The following KCNJ8 variants were observed in gnomAD, a reference collection of about 807,000 sequenced individuals.
The protein encoded by KCNJ8 is ATP-sensitive inward rectifier potassium channel 8.
Under a neutral mutation model 28.2 loss-of-function variants are expected in KCNJ8, and 13 were observed. That is an observed-to-expected ratio of 0.46 (90% CI 0.30 to 0.73). KCNJ8 has a LOEUF of 0.73. Among genes scored for constraint, KCNJ8 ranks in the 30% least tolerant of loss-of-function variants. KCNJ8 has a pLI of 0.07. For synonymous variants in KCNJ8, 188 were observed against 195.9 expected, an observed-to-expected ratio of 0.96 and a Z score of 0.34; for missense variants, 284 against 542.6, an observed-to-expected ratio of 0.52 and a Z score of 4.73.
rs569478705 is a variant in KCNJ8 at position 21,773,274 on chromosome 12, A to G, written c.343T>C (p.Leu115=). ...TTAGTCACACACACAGTGGACTCCA[A>G]ACCACTTTTCTCCATTCCACTTTTC... ...MEKSGMEKSG[L]ESTVCVTNVR... Residue 115 remains leucine, a synonymous_variant, in exon 2 of 3, where the codon TTG becomes CTG. Transcript: ENST00000240662. This position sits in a 1 kb window ranked among gnomAD's most constrained non-coding sequence, Gnocchi z 4.6. 6.2e-7 allele frequency: 1 copy of G among 1,613,896 alleles called. No homozygotes were observed. The highest frequency in any genetic ancestry group is 1.1e-5 in the South Asian group (1 of 91,084).
rs114704386 is a variant in KCNJ8, at chr12:21,773,656, C to T, written c.-40G>A. 1.6e-3 allele frequency: 2,616 copies of T among 1,606,972 alleles called. 39 individuals are homozygous for T. In the African/African-American group the frequency reaches 0.03, roughly 19 times the overall value. On this transcript the variant is annotated 5_prime_UTR_variant, in exon 2 of 3. In the 5' UTR this introduces an upstream ATG that the reference lacks. Transcript: ENST00000240662. The surrounding 1 kb of genome is among the most constrained non-coding windows in gnomAD (Gnocchi z 4.6). ...AGCCAGCTTAGCCACCTCCCTCTCA[C>T]CTGCCTCTCCGTCCCTGGACACCCG...
chr12:21,766,013 T>C lies in KCNJ8; in HGVS notation c.985A>G (p.Thr329Ala), dbSNP rs775816433. 1.9e-6 allele frequency: 3 copies of C among 1,614,160 alleles called. No individual in the cohort carries two copies. The highest frequency in any genetic ancestry group is 2.5e-6 in the Non-Finnish European group (3 of 1,180,032). The part of the protein sequence containing the change: ...QWGHRFVSIV[T>A]EEEGVYSVDY... Reference sequence around the variant, plus strand: ...ACAGAATACACTCCTTCTTCCTCAGTCACAATGGACACAAAGCGGTGGCCC... The same window carrying C: ...ACAGAATACACTCCTTCTTCCTCAGCCACAATGGACACAAAGCGGTGGCCC... The change falls in exon 3 of 3, where the codon ACT (threonine) becomes GCT (alanine). Residue 329 changes from threonine to alanine, a missense_variant. Transcript: ENST00000240662. The surrounding 1 kb of genome is among the most constrained non-coding windows in gnomAD (Gnocchi z 6.5).
At position 21,765,803 on chromosome 12, in the gene KCNJ8, G is replaced by T; in HGVS notation, c.1195C>A (p.Arg399=). The part of the protein sequence containing the change: ...NNSMRRNNSI[R]RNNSSLMVPK... ...ACCATGAGGGAAGAATTGTTCCTTC[G>T]GATAGAATTGTTCCTCCTCATGGAA... is the stretch of plus-strand genomic sequence containing the variant. The change falls in exon 3 of 3, where the codon CGA becomes AGA. Residue 399 remains arginine (R), a synonymous_variant. Coordinates refer to ENST00000240662, the MANE Select transcript of KCNJ8 (RefSeq NM_004982.4). The T allele has an allele frequency of 6.2e-7, 1 of 1,613,876 alleles. No homozygotes were observed. The highest frequency in any genetic ancestry group is 8.5e-7 in the Non-Finnish European group (1 of 1,179,790).
chr12:21,774,429 TG>T (rs1352170553), intron 1 of KCNJ8, 116 bp downstream of exon 1: 1 of 149,978 alleles, frequency 6.7e-6, no homozygotes, highest in African/African-American at 2.5e-5. Flanking sequence ...GTAGGGAGTG[TG>T]CCCCGAAAAG....
chr12:21,766,691 G>A lies in KCNJ8; in HGVS notation c.375-68C>T. On this transcript the variant is annotated intron_variant, in intron 2 of 2. Coordinates refer to ENST00000240662, the MANE Select transcript of KCNJ8 (RefSeq NM_004982.4). This position sits in a 1 kb window ranked among gnomAD's most constrained non-coding sequence, Gnocchi z 6.5. ...TTTGAATAATGAAATATGCCAAGCT[G>A]AGCTTTTCATTTTCTTCCACCAAAG... 7.6e-7 allele frequency: 1 copy of A among 1,311,774 alleles called. No individual in the cohort carries two copies. The highest frequency in any genetic ancestry group is 1.1e-6 in the Non-Finnish European group (1 of 931,072). 81.3% of individuals were successfully genotyped at this position (1,311,774 alleles called of 1,614,324 possible). A position where few individuals can be genotyped will look rare whatever the true frequency, so the allele number is the denominator to read the frequency against.
chr12:21,766,146 G>A lies in KCNJ8; in HGVS notation c.852C>T (p.Asp284=), dbSNP rs777196966. The change falls in exon 3 of 3, where the codon GAC becomes GAT. Residue 284 remains aspartate, a synonymous_variant. Transcript: ENST00000240662. The surrounding 1 kb of genome is among the most constrained non-coding windows in gnomAD (Gnocchi z 6.5). ...TGACCTCCAAGTCTTGGTTGGCCAGGTCAGTTGCTGAGATGTCATACAGGG... is the reference window on the plus strand; with the variant it reads ...TGACCTCCAAGTCTTGGTTGGCCAGATCAGTTGCTGAGATGTCATACAGGG... ...RSPLYDISAT[D]LANQDLEVIV... 1 of 1,614,024 alleles carries A rather than the reference G, an allele frequency of 6.2e-7. No homozygotes were observed. Among genetic ancestry groups the A allele is most frequent in the Admixed American group, 1.7e-5 (1 of 59,998 alleles).
intron 2 of KCNJ8, among the ~76,000 whole-genome samples, chr12:21,770,864 TACC>T (rs1940741223): frequency 1.3e-5 from 2 of 152,234 alleles, no homozygotes; most frequent in South Asian, 4.1e-4. Context: ...CTCAAAGTAT[TACC>T]TATTTATTAA....
intron 2 of KCNJ8, among the ~76,000 whole-genome samples, chr12:21,771,515 A>G (rs1031515444): frequency 1.1e-4 from 17 of 152,204 alleles, no homozygotes; most frequent in Non-Finnish European, 2.2e-4. Context: ...AGTCACCCTA[A>G]GAGAAGAATG....
rs569876040 is a variant in KCNJ8 at position 21,769,712 on chromosome 12, TC to T, written c.375-3090del. ...GAGTTGGGAAGAAGTTCATTCTAATTCTCATGAATGAGTTTGAGGGGTTCAA... is the reference window on the plus strand; with the variant it reads ...GAGTTGGGAAGAAGTTCATTCTAATTTCATGAATGAGTTTGAGGGGTTCAA... On this transcript the variant is annotated intron_variant, in intron 2 of 2. Coordinates refer to ENST00000240662, the MANE Select transcript of KCNJ8 (RefSeq NM_004982.4). Among the ~76,000 whole-genome samples, 729 of 152,292 alleles carry T rather than the reference TC, an allele frequency of 4.8e-3. 3 individuals carry two copies. The highest frequency in any genetic ancestry group is 6.7e-3 in the Non-Finnish European group (454 of 68,018).
intron 2 of KCNJ8, among the ~76,000 whole-genome samples, chr12:21,770,013 A>G (rs954062029): frequency 6.6e-6 from 1 of 152,254 alleles, no homozygotes; most frequent in Non-Finnish European, 1.5e-5. Flanking sequence ...TGAGAAGATT[A>G]GCTCCAGTTT....
Position 21,773,618 on chromosome 12 carries a change from G to A in KCNJ8, c.-2C>T. ...GATGATACTCTTTCTGGCCAACATCGTCCTGTCACCATAGCCAGCTTAGCC... is the reference window on the plus strand; with the variant it reads ...GATGATACTCTTTCTGGCCAACATCATCCTGTCACCATAGCCAGCTTAGCC... On this transcript the variant is annotated 5_prime_UTR_variant, in exon 2 of 3. The change creates a new upstream start codon in the 5' untranslated region. Transcript: ENST00000240662. The surrounding 1 kb of genome is among the most constrained non-coding windows in gnomAD (Gnocchi z 4.6). 1 of 1,612,148 alleles carries A rather than the reference G, an allele frequency of 6.2e-7. No homozygotes were observed. The highest frequency in any genetic ancestry group is 8.5e-7 in the Non-Finnish European group (1 of 1,180,010).
At chr12:21,772,951 C>T (rs1037561759) in intron 2 of KCNJ8, among the ~76,000 whole-genome samples, 9 of 152,158 alleles carry the variant, frequency 5.9e-5, no homozygotes, top group African/African-American at 1.9e-4. Flanking sequence ...GAGTAAAGCA[C>T]TCTGTGTAAT....
At chr12:21,774,386 G>GA (rs542852442) in intron 1 of KCNJ8, among the ~76,000 whole-genome samples, 160 bp downstream of exon 1, 46 of 151,132 alleles carry the variant, frequency 3.0e-4, no homozygotes, top group African/African-American at 9.5e-4. Context: ...GTGCGGGGGG[G>GA]AAAAAACCCA....
rs1565662288 is a variant in KCNJ8, at chr12:21,773,630, T to C, written c.-14A>G. 2 of 1,610,598 alleles carry C rather than the reference T, an allele frequency of 1.2e-6. No individual in the cohort carries two copies. Among genetic ancestry groups the C allele is most frequent in the Non-Finnish European group, 1.7e-6 (2 of 1,180,004 alleles). On this transcript the variant is annotated 5_prime_UTR_variant, in exon 2 of 3. The change abolishes an upstream ATG in the 5' untranslated region. Transcript: ENST00000240662. The surrounding 1 kb of genome is among the most constrained non-coding windows in gnomAD (Gnocchi z 4.6). ...TCTGGCCAACATCGTCCTGTCACCA[T>C]AGCCAGCTTAGCCACCTCCCTCTCA...
chr12:21,766,266 G>A lies in KCNJ8; in HGVS notation c.732C>T (p.His244=), dbSNP rs1165913998. The A allele has an allele frequency of 6.2e-7, 1 of 1,614,128 alleles. No individual in the cohort carries two copies. ...GGTTATCAACAGGAATGTCCAGTTG[G>A]TGAATAGGAACCACCTCCCCTTCAG... ...TTPEGEVVPI[H]QLDIPVDNPI... Residue 244 remains histidine (H), a synonymous_variant, in exon 3 of 3, where the codon CAC becomes CAT. Coordinates refer to ENST00000240662, the MANE Select transcript of KCNJ8 (RefSeq NM_004982.4). This position sits in a 1 kb window ranked among gnomAD's most constrained non-coding sequence, Gnocchi z 6.5.
chr12:21,767,164 T>C (rs1052282677), intron 2 of KCNJ8, among the ~76,000 whole-genome samples: 1 of 152,180 alleles, frequency 6.6e-6, no homozygotes, highest in African/African-American at 2.4e-5. Flanking sequence ...TTGTGTCTCA[T>C]ATAGAAATAG....
rs1257539058 is a variant in KCNJ8 at position 21,773,139 on chromosome 12, C to T, written c.374+104G>A. 7.5e-7 allele frequency: 1 copy of T among 1,339,164 alleles called. No homozygotes were observed. The highest frequency in any genetic ancestry group is 1.7e-5 in the Admixed American group (1 of 59,334). The allele number at this position is 1,339,164 out of a possible 1,614,324, so 83.0% of individuals were successfully genotyped here. A position where few individuals can be genotyped will look rare whatever the true frequency, so the allele number is the denominator to read the frequency against. Reference sequence around the variant, plus strand: ...GTTTCTGAAGATTCTAAAACAAACCCTTTATTTCACTTTCAATTAAATAAC... The same window carrying T: ...GTTTCTGAAGATTCTAAAACAAACCTTTTATTTCACTTTCAATTAAATAAC... On this transcript the variant is annotated intron_variant, in intron 2 of 2. Coordinates refer to ENST00000240662, the MANE Select transcript of KCNJ8 (RefSeq NM_004982.4). This position sits in a 1 kb window ranked among gnomAD's most constrained non-coding sequence, Gnocchi z 4.6.
intron 2 of KCNJ8, among the ~76,000 whole-genome samples, chr12:21,770,504 C>G (rs74821255): frequency 6.6e-6 from 1 of 152,124 alleles, no homozygotes; most frequent in Non-Finnish European, 1.5e-5. Context: ...AATTTTCTCA[C>G]TTTGGCCTAA....
In KCNJ8 at chr12:21,773,575, C is replaced by T. The variant is rs1251770230; in HGVS notation, c.42G>A (p.Leu14=). ...RKSIIPEEYV[L]ARIAAENLRK... is the part of the protein sequence containing the mutation. ...GCAGGTTCTCTGCGGCGATGCGCGC[C>T]AGCACATACTCCTCCGGGATGATAC... Residue 14 remains leucine, a synonymous_variant, in exon 2 of 3, where the codon CTG becomes CTA. Coordinates refer to ENST00000240662, the MANE Select transcript of KCNJ8 (RefSeq NM_004982.4). The surrounding 1 kb of genome is among the most constrained non-coding windows in gnomAD (Gnocchi z 4.6). The T allele has an allele frequency of 4.3e-6, 7 of 1,614,012 alleles. No individual in the cohort carries two copies. The South Asian group carries it at 7.7e-5, about 18-fold the overall frequency.
Sources: allele counts gnomAD v4.1 joint callset (sites outside exome capture counted in the v4.1 genomes callset), GRCh38; gene constraint gnomAD v4.1.1; non-coding constraint Gnocchi (gnomAD v3.1); transcripts MANE v1.5; gene names NCBI Gene and HGNC (gene_info 2026-07-23, HGNC 2026-07-21).